CDC42EP3: variants seen among roughly 807,000 people sequenced by gnomAD.
CDC42EP3 encodes CDC42 effector protein 3.
CDC42EP3 carries 4 observed loss-of-function variants against 15.5 expected under a neutral mutation model. That is an observed-to-expected ratio of 0.26 (90% CI 0.13 to 0.59). The LOEUF (loss-of-function observed/expected upper bound fraction) is 0.59, where lower values mean the gene tolerates loss of function less well. Ranked by LOEUF, CDC42EP3 falls within the 20% of genes least tolerant of loss-of-function variation. The pLI, the probability that CDC42EP3 is intolerant of heterozygous loss-of-function variation, is 0.89. For missense variants in CDC42EP3, 309 were observed against 311.2 expected (o/e 0.99, Z 0.05); for synonymous variants, 145 against 130.3 (o/e 1.11, Z -0.77).
intron 1 of CDC42EP3, among the ~76,000 whole-genome samples, chr2:37,656,129 C>T (rs1665838205): frequency 6.6e-6 from 1 of 152,206 alleles, no homozygotes; most frequent in African/African-American, 2.4e-5. Flanking sequence ...TACAATAATC[C>T]ACGTTCCTTG....
rs1012522798 is a variant in CDC42EP3 at position 37,642,277 on chromosome 2, A to G, written c.*3546T>C. On this transcript the variant is annotated 3_prime_UTR_variant, in exon 2 of 2. Coordinates refer to ENST00000295324, the MANE Select transcript of CDC42EP3 (RefSeq NM_006449.5). ...TTGCTTAGCCAGTACCAATAAGTTA[A>G]CGTCGTGTGAATAATTTTGGGTATT... 1 of 152,210 alleles carries G rather than the reference A, an allele frequency of 6.6e-6. No individual in the cohort carries two copies. The highest frequency in any genetic ancestry group is 1.5e-5 in the Non-Finnish European group (1 of 68,024). 9.4% of individuals were successfully genotyped at this position (152,210 alleles called of 1,614,324 possible).
chr2:37,646,541 T>G lies in CDC42EP3; in HGVS notation c.47A>C (p.Lys16Thr), dbSNP rs1665484944. The G allele has an allele frequency of 1.3e-6, 2 of 1,565,948 alleles. No individual in the cohort carries two copies. Residue 16 changes from lysine to threonine, a missense_variant, in exon 2 of 2, where the codon AAA (lysine) becomes ACA (threonine). Physicochemically the swap from Lys to Thr is moderately conservative, Grantham distance 78 (BLOSUM62 -1). Transcript: ENST00000295324. ...GTCCCTCAGTTTAAATTTCTTTCCT[T>G]TCTTGTTATTGGCTGCTTTCAGGTA... is the stretch of plus-strand genomic sequence containing the variant. ...PIYLKAANNK[K>T]GKKFKLRDIL...
At chr2:37,661,504 T>C (rs1666056086) in intron 1 of CDC42EP3, among the ~76,000 whole-genome samples, 1 of 152,204 alleles carries the variant, frequency 6.6e-6, no homozygotes, top group Non-Finnish European at 1.5e-5. Context: ...GGTCCAGAAT[T>C]ACCTGGACCG....
At position 37,666,811 on chromosome 2, in the gene CDC42EP3, A is replaced by C. The variant is rs570657671; in HGVS notation, c.-236+4615T>G. On this transcript the variant is annotated intron_variant, in intron 1 of 1. Transcript: ENST00000295324. ...TGGCACTGAAGTATATCAAGGAGAA[A>C]GCTTTTTTTTTTTTTTAAGGAAAGA... Among the ~76,000 whole-genome samples, 79 of 73,610 alleles carry C rather than the reference A, an allele frequency of 1.1e-3. No individual in the cohort carries two copies. The Middle Eastern group carries it at 0.035, about 32-fold the overall frequency. The allele number at this position is 73,610 out of a possible 152,430, so 48.3% of individuals were successfully genotyped here. A position where few individuals can be genotyped will look rare whatever the true frequency, so the allele number is the denominator to read the frequency against.
At chr2:37,671,352 A>AGCGGCC (rs1666412586) in intron 1 of CDC42EP3, 74 bp downstream of exon 1, 1 of 152,300 alleles carries the variant, frequency 6.6e-6, no homozygotes, top group South Asian at 2.1e-4. Context: ...GCACGCCGGA[A>AGCGGCC]GCGGCCACGG....
chr2:37,666,994 G>A (rs1347560984), intron 1 of CDC42EP3, among the ~76,000 whole-genome samples: 1 of 152,194 alleles, frequency 6.6e-6, no homozygotes, highest in East Asian at 1.9e-4. Flanking sequence ...GGCTACCTGA[G>A]TTACTTCGGA....
chr2:37,657,223 T>A (rs1259679510), intron 1 of CDC42EP3, among the ~76,000 whole-genome samples: 1 of 152,030 alleles, frequency 6.6e-6, no homozygotes, highest in African/African-American at 2.4e-5. Context: ...CCCACCTTCT[T>A]ACCATCAGCC....
intron 1 of CDC42EP3, among the ~76,000 whole-genome samples, chr2:37,653,969 C>A (rs1177773643): frequency 6.6e-6 from 1 of 152,206 alleles, no homozygotes; most frequent in Non-Finnish European, 1.5e-5. Flanking sequence ...ATTCCAGCTT[C>A]TGATCACTTT....
chr2:37,664,324 C>G (rs1451101569), intron 1 of CDC42EP3, among the ~76,000 whole-genome samples: 1 of 152,204 alleles, frequency 6.6e-6, no homozygotes, highest in East Asian at 1.9e-4. Flanking sequence ...TGGACTTACA[C>G]CAGTGGTTTG....
In CDC42EP3 at chr2:37,644,995, C is replaced by A. The variant is rs1041642673; in HGVS notation, c.*828G>T. 6.6e-6 allele frequency: 1 copy of A among 151,974 alleles called. No homozygotes were observed. The highest frequency in any genetic ancestry group is 1.9e-4 in the East Asian group (1 of 5,196). The allele number at this position is 151,974 out of a possible 1,614,324, so 9.4% of individuals were successfully genotyped here. Reference sequence around the variant, plus strand: ...ACCTGTGCCTTTACACTTTACAATCCGTTATTGGTTGCTGTTAAAAGTATG... The same window carrying A: ...ACCTGTGCCTTTACACTTTACAATCAGTTATTGGTTGCTGTTAAAAGTATG... On this transcript the variant is annotated 3_prime_UTR_variant, in exon 2 of 2. Transcript: ENST00000295324.
Position 37,645,591 on chromosome 2 carries a change from G to GA in CDC42EP3, c.*231dup. ...GAGCCGAACATCACCAATGCCTCCT[G>GA]AAAATGGGCTCTGACTCACTTCCTT... On this transcript the variant is annotated 3_prime_UTR_variant, in exon 2 of 2. Coordinates refer to ENST00000295324, the MANE Select transcript of CDC42EP3 (RefSeq NM_006449.5). 4 of 393,700 alleles carry GA rather than the reference G, an allele frequency of 1.0e-5. No homozygotes were observed. Among genetic ancestry groups the GA allele is most frequent in the Non-Finnish European group, 1.8e-5 (4 of 221,140 alleles). 24.4% of individuals were successfully genotyped at this position (393,700 alleles called of 1,614,324 possible).
Position 37,660,002 on chromosome 2 carries a change from A to G in CDC42EP3, c.-236+11424T>C, listed in dbSNP as rs375721246. ...CTGTAAGACGCAGAAGCCCTGATAC[A>G]CTGGGTACCAGTTACCTTCATGTAA... On this transcript the variant is annotated intron_variant, in intron 1 of 1. Transcript: ENST00000295324. 1.0e-3 allele frequency among the ~76,000 whole-genome samples: 153 copies of G among 152,318 alleles called. 1 individual carries two copies. The highest frequency in any genetic ancestry group is 3.6e-3 in the African/African-American group (148 of 41,568).
chr2:37,665,213 A>G (rs1666213638), intron 1 of CDC42EP3, among the ~76,000 whole-genome samples: 1 of 152,176 alleles, frequency 6.6e-6, no homozygotes, highest in Non-Finnish European at 1.5e-5. Flanking sequence ...CTGATACAAG[A>G]AAAAAGAGGA....
At chr2:37,649,445 C>CAAAAAA (rs57232687) in intron 1 of CDC42EP3, among the ~76,000 whole-genome samples, 1 of 48,154 alleles carries the variant, frequency 2.1e-5, no homozygotes, top group Non-Finnish European at 3.7e-5. Flanking sequence ...GGCCTTGTCT[C>CAAAAAA]AAAAAAAAAA....
intron 1 of CDC42EP3, among the ~76,000 whole-genome samples, chr2:37,657,222 T>G (rs1486063752): frequency 6.6e-6 from 1 of 152,078 alleles, no homozygotes; most frequent in Non-Finnish European, 1.5e-5. Context: ...TCCCACCTTC[T>G]TACCATCAGC....
In CDC42EP3 at chr2:37,645,740, T is replaced by G; in HGVS notation, c.*83A>C. The G allele has an allele frequency of 9.0e-7, 1 of 1,106,726 alleles. No individual in the cohort carries two copies. Among genetic ancestry groups the G allele is most frequent in the Non-Finnish European group, 1.3e-6 (1 of 789,806 alleles). 68.6% of individuals were successfully genotyped at this position (1,106,726 alleles called of 1,614,324 possible). A position where few individuals can be genotyped will look rare whatever the true frequency, so the allele number is the denominator to read the frequency against. On this transcript the variant is annotated 3_prime_UTR_variant, in exon 2 of 2. Coordinates refer to ENST00000295324, the MANE Select transcript of CDC42EP3 (RefSeq NM_006449.5). ...AGAAAACCCAACACAAAACTGCAAA[T>G]ACAGCTCCGGAAGCCCTTCTCTTCA...
intron 1 of CDC42EP3, among the ~76,000 whole-genome samples, chr2:37,656,995 CCGCCCCCCGCCATCCTCGAGGAGAAAAA>C (rs1665880432): frequency 8.9e-4 from 70 of 78,708 alleles, no homozygotes; most frequent in African/African-American, 3.8e-3. Flanking sequence ...CCCCCACCCC[CCGCCCCCCGCCATCCTCGAGGAGAAAAA>C]CAAACATCCT....
chr2:37,652,048 G>A (rs1044182043), intron 1 of CDC42EP3, among the ~76,000 whole-genome samples: 2 of 151,762 alleles, frequency 1.3e-5, no homozygotes, highest in South Asian at 2.1e-4. Flanking sequence ...GGTGGCAGGC[G>A]CCTGTAGTCC....
rs1017807797 is a variant in CDC42EP3, at chr2:37,644,301, G to A, written c.*1522C>T. The A allele has an allele frequency of 1.3e-5, 2 of 152,164 alleles. No individual in the cohort carries two copies. Among genetic ancestry groups the A allele is most frequent in the African/African-American group, 4.8e-5 (2 of 41,434 alleles). The allele number at this position is 152,164 out of a possible 1,614,324, so 9.4% of individuals were successfully genotyped here. The stretch of plus-strand genomic sequence containing the variant: ...AGGAGAAATACAAGTTTGAGAGAAG[G>A]AGCTGGTAGTTACTGTGTGCAAGTG... On this transcript the variant is annotated 3_prime_UTR_variant, in exon 2 of 2. Transcript: ENST00000295324.
Sources: gnomAD v4.1 joint callset for allele counts (sites outside exome capture counted in the v4.1 genomes callset) on GRCh38, gnomAD v4.1.1 for gene constraint, MANE v1.5 for transcripts, NCBI Gene and HGNC (gene_info 2026-07-23, HGNC 2026-07-21) for gene names.